SLC8A1: variants seen among roughly 807,000 people sequenced by gnomAD.
The protein encoded by SLC8A1 is sodium/calcium exchanger 1.
SLC8A1 carries 18 observed loss-of-function variants against 68.3 expected under a neutral mutation model. That is an observed-to-expected ratio of 0.26 (90% CI 0.18 to 0.39). The LOEUF (loss-of-function observed/expected upper bound fraction) is 0.39. Among genes scored for constraint, SLC8A1 ranks in the 10% least tolerant of loss-of-function variants. The pLI, the probability that SLC8A1 is intolerant of heterozygous loss-of-function variation, is 1.00. For missense variants in SLC8A1, 985 were observed against 1,156.7 expected (o/e 0.85, Z 2.15); for synonymous variants, 475 against 415.5 (o/e 1.14, Z -1.74).
chr2:40,144,105 T>C (rs1468722077), intron 6 of SLC8A1, among the ~76,000 whole-genome samples: 2 of 152,228 alleles, frequency 1.3e-5, no homozygotes, highest in Non-Finnish European at 2.9e-5. Context: ...GTTACTTGTC[T>C]GAAGGAAGGC....
chr2:40,264,636 T>C (rs960236679), intron 2 of SLC8A1, among the ~76,000 whole-genome samples: 3 of 151,820 alleles, frequency 2.0e-5, no homozygotes, highest in African/African-American at 7.3e-5. Context: ...CACTCATAGG[T>C]GGGAATTGAA....
At chr2:40,266,964 G>A (rs1365520701) in intron 2 of SLC8A1, among the ~76,000 whole-genome samples, 1 of 152,134 alleles carries the variant, frequency 6.6e-6, no homozygotes, top group African/African-American at 2.4e-5. Flanking sequence ...CATAGAACTG[G>A]ATGTACAGGT....
At chr2:40,366,662 C>A (rs1183823076) in intron 2 of SLC8A1, among the ~76,000 whole-genome samples, 2 of 151,868 alleles carry the variant, frequency 1.3e-5, no homozygotes, top group African/African-American at 2.4e-5. Flanking sequence ...AAACACAGAT[C>A]AAAAATTTGG....
chr2:40,479,008 G>T (rs1321687373), intron 1 of SLC8A1, among the ~76,000 whole-genome samples: 1 of 152,096 alleles, frequency 6.6e-6, no homozygotes, highest in African/African-American at 2.4e-5. Context: ...CTGATCGCAG[G>T]TGATCCGCCT....
chr2:40,397,877 C>G (rs1559518916), intron 2 of SLC8A1, among the ~76,000 whole-genome samples: 1 of 152,164 alleles, frequency 6.6e-6, no homozygotes, highest in Non-Finnish European at 1.5e-5. Flanking sequence ...ACAGTGTGCT[C>G]TGAATGCAGA....
At chr2:40,142,283 G>A (rs931375081) in intron 6 of SLC8A1, among the ~76,000 whole-genome samples, 1 of 152,126 alleles carries the variant, frequency 6.6e-6, no homozygotes, top group Non-Finnish European at 1.5e-5. Context: ...TTTGAAGGAG[G>A]AAGGAAGAAG....
chr2:40,261,894 C>T (rs1415866821), intron 2 of SLC8A1, among the ~76,000 whole-genome samples: 1 of 151,792 alleles, frequency 6.6e-6, no homozygotes, highest in Non-Finnish European at 1.5e-5. Context: ...TTTTGTCTTC[C>T]TTTGTGTAGT....
At chr2:40,159,800 A>C (rs1210050862) in intron 6 of SLC8A1, among the ~76,000 whole-genome samples, 2 of 152,168 alleles carry the variant, frequency 1.3e-5, no homozygotes, top group Non-Finnish European at 2.9e-5. Context: ...ACAGGCATAA[A>C]ATTTTTACTA....
intron 2 of SLC8A1, among the ~76,000 whole-genome samples, chr2:40,319,288 A>G (rs533055941): frequency 6.6e-6 from 1 of 152,124 alleles, no homozygotes; most frequent in Admixed American, 6.6e-5. Flanking sequence ...TGCAGCACAC[A>G]TAGCTCAACA....
At chr2:40,464,734 T>C (rs988726643) in intron 1 of SLC8A1, among the ~76,000 whole-genome samples, 1 of 152,110 alleles carries the variant, frequency 6.6e-6, no homozygotes, top group Non-Finnish European at 1.5e-5. Context: ...GACTCTACCA[T>C]AGGACACAGG....
At chr2:40,428,494 T>G in exon 2 of SLC8A1, 1 of 1,597,088 alleles carries the variant, frequency 6.3e-7, no homozygotes, top group Non-Finnish European at 8.5e-7. Flanking sequence ...ATTCTGGAAT[T>G]CGAGCTCTCC....
At chr2:40,436,394 C>T (rs936784786) in intron 1 of SLC8A1, among the ~76,000 whole-genome samples, 8 of 152,092 alleles carry the variant, frequency 5.3e-5, no homozygotes, top group Admixed American at 1.3e-4. Flanking sequence ...GAGCAGAGTT[C>T]AAAATCAGAT....
intron 1 of SLC8A1, among the ~76,000 whole-genome samples, chr2:40,503,004 G>T (rs1706141375): frequency 6.6e-6 from 1 of 151,736 alleles, no homozygotes; most frequent in Admixed American, 6.6e-5. Flanking sequence ...TGGAAAGAGG[G>T]ATAAAGGGGC....
intron 2 of SLC8A1, chr2:40,208,268 T>A (rs2055882128): frequency 6.6e-6 from 1 of 152,144 alleles, no homozygotes; most frequent in Non-Finnish European, 1.5e-5. Context: ...CTTTCCATAG[T>A]CAAGGTTCCA....
At chr2:40,231,804 T>C (rs2059682163) in intron 2 of SLC8A1, among the ~76,000 whole-genome samples, 1 of 152,240 alleles carries the variant, frequency 6.6e-6, no homozygotes, top group South Asian at 2.1e-4. Flanking sequence ...ATCACCTATA[T>C]AAGCAACTTA....
At chr2:40,438,441 T>C (rs942446029) in intron 1 of SLC8A1, among the ~76,000 whole-genome samples, 3 of 152,180 alleles carry the variant, frequency 2.0e-5, no homozygotes, top group Non-Finnish European at 2.9e-5. Context: ...CCTTCATTTA[T>C]TCATCAAGCC....
intron 2 of SLC8A1, among the ~76,000 whole-genome samples, chr2:40,216,229 C>A (rs545481191): frequency 5.9e-5 from 9 of 152,136 alleles, no homozygotes; most frequent in African/African-American, 1.9e-4. Flanking sequence ...ATGTTCAACT[C>A]CCCCTTATGA....
intron 2 of SLC8A1, among the ~76,000 whole-genome samples, chr2:40,269,776 A>C (rs1245940634): frequency 6.8e-6 from 1 of 146,360 alleles, no homozygotes; most frequent in Non-Finnish European, 1.5e-5. Flanking sequence ...GATCACTGTG[A>C]CTGTTGCTGT....
chr2:40,276,015 T>A (rs1395156127), intron 2 of SLC8A1, among the ~76,000 whole-genome samples: 1 of 152,224 alleles, frequency 6.6e-6, no homozygotes, highest in East Asian at 1.9e-4. Flanking sequence ...GATGTTTATA[T>A]TCTAACTTTC....
Sources: gnomAD v4.1 joint callset for allele counts (sites outside exome capture counted in the v4.1 genomes callset) on GRCh38, gnomAD v4.1.1 for gene constraint, MANE v1.5 for transcripts, NCBI Gene and HGNC (gene_info 2026-07-23, HGNC 2026-07-21) for gene names.